The following CHRM3 variants were observed in gnomAD, a reference collection of about 807,000 sequenced individuals.
The protein encoded by CHRM3 is cholinergic receptor muscarinic 3.
In CHRM3, 11 loss-of-function variants were observed where a neutral mutation model predicts 41.8. That is an observed-to-expected ratio of 0.26 (90% CI 0.17 to 0.44). The LOEUF is 0.44. Among genes scored for constraint, CHRM3 ranks in the 20% least tolerant of loss-of-function variants. The probability of loss-of-function intolerance (pLI) is 1.00; values close to 1 mark genes in which losing one functional copy is unlikely to be tolerated. For missense variants in CHRM3, 571 were observed against 745.4 expected (o/e 0.77, Z 2.72); for synonymous variants, 297 against 301.4 (o/e 0.99, Z 0.15).
At chr1:239,607,515 G>T (rs1010299343) in intron 3 of CHRM3, among the ~76,000 whole-genome samples, 4 of 151,664 alleles carry the variant, frequency 2.6e-5, no homozygotes, top group African/African-American at 4.8e-5. Context: ...TTAATTATAG[G>T]GTCAGTTTCT....
intron 5 of CHRM3, among the ~76,000 whole-genome samples, chr1:239,688,676 T>C (rs1181984864): frequency 7.5e-6 from 1 of 133,654 alleles, no homozygotes; most frequent in African/African-American, 2.8e-5. Flanking sequence ...TAATATTATA[T>C]GTTATGCAAT....
chr1:239,543,247 T>C (rs980819658), intron 2 of CHRM3, among the ~76,000 whole-genome samples: 2 of 152,196 alleles, frequency 1.3e-5, no homozygotes, highest in African/African-American at 4.8e-5. Context: ...TTGCCTCAGC[T>C]TGTGGGCCCG....
At chr1:239,540,326 G>A (rs917139427) in intron 2 of CHRM3, among the ~76,000 whole-genome samples, 2 of 152,148 alleles carry the variant, frequency 1.3e-5, no homozygotes, top group Non-Finnish European at 2.9e-5. Flanking sequence ...AAGGTAAGCT[G>A]TGTCTATTTT....
intron 3 of CHRM3, among the ~76,000 whole-genome samples, chr1:239,554,567 C>G (rs954781247): frequency 1.3e-5 from 2 of 151,834 alleles, no homozygotes. Context: ...GAAAGCAGCT[C>G]CTTTTTTATA....
intron 2 of CHRM3, among the ~76,000 whole-genome samples, chr1:239,500,700 A>G (rs1668180270): frequency 6.8e-6 from 1 of 147,810 alleles, no homozygotes; most frequent in African/African-American, 2.5e-5. Context: ...GTTAAAAAGA[A>G]AAAAAAACAC....
At chr1:239,827,902 T>G (rs1363824605) in intron 6 of CHRM3, among the ~76,000 whole-genome samples, 1 of 152,196 alleles carries the variant, frequency 6.6e-6, no homozygotes, top group Admixed American at 6.5e-5. Context: ...TATTTTAAAT[T>G]AAAAAATCAT....
chr1:239,499,871 A>G (rs1258592025), intron 2 of CHRM3, among the ~76,000 whole-genome samples: 7 of 152,194 alleles, frequency 4.6e-5, no homozygotes, highest in South Asian at 4.1e-4. Context: ...AGAATTTTCT[A>G]TCCAGCAAAA....
At chr1:239,622,672 G>C (rs1046964270) in intron 3 of CHRM3, among the ~76,000 whole-genome samples, 1 of 152,190 alleles carries the variant, frequency 6.6e-6, no homozygotes, top group African/African-American at 2.4e-5. Flanking sequence ...GGAGTTGCTT[G>C]TTATGGATTA....
intron 2 of CHRM3, among the ~76,000 whole-genome samples, chr1:239,527,367 T>TA (rs5782083): frequency 3.3e-4 from 50 of 151,132 alleles, no homozygotes; most frequent in Admixed American, 5.3e-4. Flanking sequence ...CTAGATTTCT[T>TA]AAAAAAAAAA....
intron 6 of CHRM3, among the ~76,000 whole-genome samples, chr1:239,855,763 A>T (rs1272169883): frequency 6.6e-6 from 1 of 152,192 alleles, no homozygotes; most frequent in Non-Finnish European, 1.5e-5. Flanking sequence ...TACAATCAAC[A>T]TCTATAAACC....
chr1:239,452,243 G>A (rs1362042677), intron 1 of CHRM3, among the ~76,000 whole-genome samples: 1 of 152,088 alleles, frequency 6.6e-6, no homozygotes, highest in Non-Finnish European at 1.5e-5. Context: ...AAAATCACCT[G>A]CCCCATGTAG....
intron 5 of CHRM3, among the ~76,000 whole-genome samples, chr1:239,763,906 G>A (rs1444214939): frequency 6.6e-6 from 1 of 151,224 alleles, no homozygotes; most frequent in Non-Finnish European, 1.5e-5. Context: ...CACAAGCCTG[G>A]GCAACATAGC....
At chr1:239,697,114 T>TGC (rs1417908475) in intron 5 of CHRM3, among the ~76,000 whole-genome samples, 3 of 152,126 alleles carry the variant, frequency 2.0e-5, no homozygotes, top group African/African-American at 7.2e-5. Context: ...GCAAGTAATA[T>TGC]CAATATGGCA....
intron 5 of CHRM3, among the ~76,000 whole-genome samples, chr1:239,787,420 A>C (rs980530191): frequency 6.6e-6 from 1 of 152,062 alleles, no homozygotes; most frequent in African/African-American, 2.4e-5. Context: ...GCCGTGTAGA[A>C]GCTTGAAAGA....
At chr1:239,609,429 G>T (rs778617622) in intron 3 of CHRM3, among the ~76,000 whole-genome samples, 94 of 152,108 alleles carry the variant, frequency 6.2e-4, no homozygotes, top group Non-Finnish European at 1.1e-3. Context: ...TCCAATGTTG[G>T]GTTGTTGAAG....
intron 2 of CHRM3, among the ~76,000 whole-genome samples, chr1:239,503,765 A>T (rs1668393398): frequency 6.6e-6 from 1 of 152,150 alleles, no homozygotes; most frequent in South Asian, 2.1e-4. Context: ...GAACCCAAAC[A>T]CTTACAGCCA....
At chr1:239,782,721 T>C (rs1668596701) in intron 5 of CHRM3, among the ~76,000 whole-genome samples, 1 of 152,136 alleles carries the variant, frequency 6.6e-6, no homozygotes, top group South Asian at 2.1e-4. Flanking sequence ...GATTTTAAGA[T>C]CTTTCTTTCC....
At chr1:239,796,293 G>A (rs1188087115) in intron 5 of CHRM3, among the ~76,000 whole-genome samples, 1 of 152,002 alleles carries the variant, frequency 6.6e-6, no homozygotes, top group Non-Finnish European at 1.5e-5. Context: ...GTAATGGAGG[G>A]CAGTCACAGA....
intron 6 of CHRM3, among the ~76,000 whole-genome samples, chr1:239,859,821 A>T (rs1434025745): frequency 1.9e-4 from 6 of 32,378 alleles, no homozygotes; most frequent in African/African-American, 2.4e-4. Context: ...TAAGTGTTTT[A>T]TATATATATA....
Sources: gnomAD v4.1 joint callset for allele counts (sites outside exome capture counted in the v4.1 genomes callset) on GRCh38, gnomAD v4.1.1 for gene constraint, MANE v1.5 for transcripts, NCBI Gene and HGNC (gene_info 2026-07-23, HGNC 2026-07-21) for gene names.